LUZP2: variants seen among roughly 807,000 people sequenced by gnomAD.
The protein encoded by LUZP2 is leucine zipper protein 2.
A neutral mutation model predicts 51.6 loss-of-function variants in LUZP2; 52 were observed. The ratio of observed to expected loss-of-function variants is 1.01; its 90% CI spans 0.81 to 1.27. The LOEUF (loss-of-function observed/expected upper bound fraction) is 1.27, where lower values mean the gene tolerates loss of function less well. LUZP2 is among the 50% of genes most tolerant of loss of function. The pLI is 0.00. For missense variants in LUZP2, 436 were observed against 395.4 expected, an observed-to-expected ratio of 1.10 and a Z score of -0.87; for synonymous variants, 154 against 137.3, an observed-to-expected ratio of 1.12 and a Z score of -0.85.
At chr11:24,920,120 A>T (rs1417816615) in intron 7 of LUZP2, among the ~76,000 whole-genome samples, 1 of 151,892 alleles carries the variant, frequency 6.6e-6, no homozygotes, top group Admixed American at 6.6e-5. Context: ...AATTAAAAAC[A>T]ATGTTTACAA....
chr11:24,892,434 A>C (rs1275935786), intron 5 of LUZP2: 3 of 963,848 alleles, frequency 3.1e-6, no homozygotes, highest in African/African-American at 1.8e-5. Flanking sequence ...AAAAATTAAA[A>C]TTTATAATTC....
rs548335182 is a variant in LUZP2 at position 24,839,755 on chromosome 11, T to C, written c.397-66236T>C. ...ACTCTCGGGGTCCATTTGTCAAAGT[T>C]AAATTATAGCTGTCTCAGTTTATTC... is the stretch of plus-strand genomic sequence containing the variant. On this transcript the variant is annotated intron_variant, in intron 5 of 11. Transcript: ENST00000336930. 6.6e-5 allele frequency among the ~76,000 whole-genome samples: 10 copies of C among 151,882 alleles called. No homozygotes were observed. The South Asian group carries it at 2.1e-3, about 31-fold the overall frequency.
At chr11:25,041,195 G>A (rs889712867) in intron 9 of LUZP2, among the ~76,000 whole-genome samples, 3 of 151,918 alleles carry the variant, frequency 2.0e-5, no homozygotes, top group African/African-American at 7.3e-5. Flanking sequence ...GCCTGAAACT[G>A]GATAGTATTG....
chr11:24,586,507 C>T (rs1292415074), intron 1 of LUZP2, among the ~76,000 whole-genome samples: 1 of 130,308 alleles, frequency 7.7e-6, no homozygotes, highest in East Asian at 2.6e-4. Flanking sequence ...GATCACCTCC[C>T]AATCAACTTA....
intron 11 of LUZP2, among the ~76,000 whole-genome samples, chr11:25,078,170 T>G (rs1374444915): frequency 6.6e-6 from 1 of 152,204 alleles, no homozygotes; most frequent in Non-Finnish European, 1.5e-5. Flanking sequence ...TCTGAATTTT[T>G]ATTTGTACTG....
chr11:24,888,252 C>A (rs942180260), intron 5 of LUZP2, among the ~76,000 whole-genome samples: 1 of 151,950 alleles, frequency 6.6e-6, no homozygotes. Context: ...GTTTTCTGAG[C>A]CTTATTCATA....
At chr11:24,835,141 TAGAA>T (rs892822696) in intron 5 of LUZP2, among the ~76,000 whole-genome samples, 4 of 151,994 alleles carry the variant, frequency 2.6e-5, no homozygotes, top group African/African-American at 9.7e-5. Context: ...ACAGAGACCT[TAGAA>T]ATAACACCAC....
At chr11:24,969,460 A>AT (rs1459334076) in intron 7 of LUZP2, among the ~76,000 whole-genome samples, 1 of 151,894 alleles carries the variant, frequency 6.6e-6, no homozygotes, top group Non-Finnish European at 1.5e-5. Context: ...TTTATTTCTT[A>AT]TTTTTTATGT....
intron 8 of LUZP2, among the ~76,000 whole-genome samples, chr11:24,982,457 A>G (rs1856065632): frequency 3.3e-5 from 5 of 151,904 alleles, no homozygotes; most frequent in Admixed American, 3.3e-4. Flanking sequence ...TGTCTTTTGC[A>G]GGAACTTGGA....
At chr11:24,915,777 A>G (rs753834501) in intron 7 of LUZP2, among the ~76,000 whole-genome samples, 5 of 152,030 alleles carry the variant, frequency 3.3e-5, no homozygotes, top group Non-Finnish European at 7.4e-5. Context: ...TGCAAGAGTA[A>G]CTGAGGTTCT....
At chr11:24,919,607 G>C (rs1853957198) in intron 7 of LUZP2, among the ~76,000 whole-genome samples, 2 of 145,316 alleles carry the variant, frequency 1.4e-5, no homozygotes, top group Admixed American at 7.0e-5. Context: ...ATTTTATGTA[G>C]ATATACCAAA....
chr11:24,752,702 A>G (rs1859637709), intron 4 of LUZP2, among the ~76,000 whole-genome samples: 1 of 152,016 alleles, frequency 6.6e-6, no homozygotes, highest in Admixed American at 6.6e-5. Context: ...CTCAATGCAG[A>G]AAAACTTGAT....
chr11:24,669,562 C>A (rs950728702), intron 1 of LUZP2, among the ~76,000 whole-genome samples: 8 of 151,242 alleles, frequency 5.3e-5, no homozygotes, highest in Non-Finnish European at 8.9e-5. Flanking sequence ...TCTTTGTGTT[C>A]TGGGCTGTGA....
chr11:24,679,988 G>A (rs1856680215), intron 1 of LUZP2, among the ~76,000 whole-genome samples: 1 of 152,198 alleles, frequency 6.6e-6, no homozygotes, highest in Admixed American at 6.5e-5. Context: ...CCCAGAAGAT[G>A]CTGACAGGAG....
intron 1 of LUZP2, among the ~76,000 whole-genome samples, chr11:24,721,741 C>A (rs1452006624): frequency 2.6e-5 from 4 of 152,036 alleles, no homozygotes; most frequent in Admixed American, 2.6e-4. Context: ...AATATAGTCA[C>A]CCAAAACCCA....
At chr11:24,995,320 G>T (rs577123014) in intron 9 of LUZP2, among the ~76,000 whole-genome samples, 2 of 152,250 alleles carry the variant, frequency 1.3e-5, no homozygotes, top group East Asian at 1.9e-4. Flanking sequence ...TTCAGCAAGG[G>T]GGGCAGAGAT....
At chr11:24,507,181 A>T (rs1195209638) in intron 1 of LUZP2, among the ~76,000 whole-genome samples, 2 of 152,040 alleles carry the variant, frequency 1.3e-5, no homozygotes, top group East Asian at 3.9e-4. Flanking sequence ...AAAAATACAT[A>T]TTTCAGTTCC....
intron 1 of LUZP2, among the ~76,000 whole-genome samples, chr11:24,593,826 AGAG>A (rs1488245131): frequency 6.6e-6 from 1 of 152,212 alleles, no homozygotes; most frequent in Non-Finnish European, 1.5e-5. Flanking sequence ...CTTCAACTCA[AGAG>A]GAGAACTAAA....
intron 5 of LUZP2, among the ~76,000 whole-genome samples, chr11:24,787,420 T>C (rs1000629752): frequency 1.8e-4 from 27 of 152,156 alleles, no homozygotes; most frequent in Admixed American, 1.8e-3. Context: ...ACTGACACAA[T>C]GTTAGAATCT....
Sources: allele counts gnomAD v4.1 joint callset (sites outside exome capture counted in the v4.1 genomes callset), GRCh38; gene constraint gnomAD v4.1.1; transcripts MANE v1.5; gene names NCBI Gene and HGNC (gene_info 2026-07-23, HGNC 2026-07-21).